SLC16A12: variants seen among roughly 807,000 people sequenced by gnomAD.
SLC16A12 encodes solute carrier family 16 member 12, also known as monocarboxylate transporter 12.
In SLC16A12, 17 loss-of-function variants were observed where a neutral mutation model predicts 42.4. That is an observed-to-expected ratio of 0.40 (90% CI 0.27 to 0.60). The LOEUF is 0.60. Among genes scored for constraint, SLC16A12 ranks in the 20% least tolerant of loss-of-function variants. The pLI is 0.42. For synonymous variants in SLC16A12, 224 were observed against 229.4 expected (o/e 0.98, Z 0.21); for missense variants, 544 against 623.0 (o/e 0.87, Z 1.35).
At chr10:89,533,384 G>A (rs988533519) in intron 2 of SLC16A12, among the ~76,000 whole-genome samples, 2 of 152,084 alleles carry the variant, frequency 1.3e-5, no homozygotes, top group African/African-American at 4.8e-5. Context: ...CAAATGCCCA[G>A]AACAGCACTA....
intron 2 of SLC16A12, among the ~76,000 whole-genome samples, chr10:89,522,712 T>C (rs1589725281): frequency 6.6e-6 from 1 of 152,366 alleles, no homozygotes; most frequent in East Asian, 1.9e-4. Context: ...ATCCTGGTTC[T>C]GCCTCTTAGT....
intron 2 of SLC16A12, among the ~76,000 whole-genome samples, chr10:89,513,021 C>T (rs1057309237): frequency 3.9e-5 from 6 of 152,058 alleles, no homozygotes; most frequent in Non-Finnish European, 8.8e-5. Flanking sequence ...GTGGAAAACC[C>T]CATACCTTTG....
intron 2 of SLC16A12, among the ~76,000 whole-genome samples, chr10:89,487,974 AT>A (rs1842786490): frequency 5.0e-5 from 6 of 120,490 alleles, no homozygotes; most frequent in African/African-American, 2.3e-4. Context: ...GTATATATAT[AT>A]ATATATATAT....
At chr10:89,446,934 CA>C (rs971869501) in intron 3 of SLC16A12, among the ~76,000 whole-genome samples, 8 of 147,862 alleles carry the variant, frequency 5.4e-5, no homozygotes, top group East Asian at 2.0e-4. Context: ...AAATGGAAAG[CA>C]AAAAAAAAGC....
intron 2 of SLC16A12, among the ~76,000 whole-genome samples, chr10:89,531,581 G>C (rs1843554630): frequency 1.3e-5 from 2 of 152,152 alleles, no homozygotes; most frequent in Admixed American, 6.5e-5. Flanking sequence ...CAGAGGAGGA[G>C]AGCATTGGTT....
chr10:89,492,504 C>T (rs966495748), intron 2 of SLC16A12, among the ~76,000 whole-genome samples: 4 of 151,990 alleles, frequency 2.6e-5, no homozygotes, highest in Non-Finnish European at 4.4e-5. Context: ...CTGAGGCGGG[C>T]GGATCACCTG....
chr10:89,486,643 G>GAAAGAAAGAAAGAAAGAAAGAAAGA (rs1564585893), intron 2 of SLC16A12, among the ~76,000 whole-genome samples: 10 of 48,056 alleles, frequency 2.1e-4, no homozygotes, highest in Non-Finnish European at 2.7e-4. Context: ...AAGAAAGAAA[G>GAAAGAAAGAAAGAAAGAAAGAAAGA]AAAGAAAGAA....
intron 2 of SLC16A12, among the ~76,000 whole-genome samples, chr10:89,520,070 G>T (rs575262317): frequency 6.8e-4 from 103 of 150,860 alleles, no homozygotes; most frequent in Non-Finnish European, 1.3e-3. Context: ...CCGAGATCGC[G>T]CCACTACACT....
chr10:89,544,375 A>G (rs1843731785), intron 2 of SLC16A12, among the ~76,000 whole-genome samples: 1 of 152,206 alleles, frequency 6.6e-6, no homozygotes, highest in African/African-American at 2.4e-5. Context: ...TACATTCCCC[A>G]TGGTCTGACC....
intron 5 of SLC16A12, 39 bp from the exon 6 acceptor site, chr10:89,439,222 T>C (rs1285895188): frequency 1.2e-5 from 19 of 1,563,538 alleles, no homozygotes; most frequent in Non-Finnish European, 1.6e-5. Flanking sequence ...TGAAGTACCA[T>C]AAACAGCCAA....
Position 89,470,169 on chromosome 10 carries a change from A to C in SLC16A12, c.-46-7545T>G, listed in dbSNP as rs141093163. On this transcript the variant is annotated intron_variant, in intron 2 of 7. Transcript: ENST00000371790. ...GAATAAATGCATCCCCAGGCAAGGAATCATGGGATTGTGTTATAGGGGACA... is the reference window on the plus strand; with the variant it reads ...GAATAAATGCATCCCCAGGCAAGGACTCATGGGATTGTGTTATAGGGGACA... Among the ~76,000 whole-genome samples the C allele has an allele frequency of 3.3e-3, 504 of 152,322 alleles. 4 individuals carry two copies. The highest frequency in any genetic ancestry group is 0.011 in the African/African-American group (478 of 41,572).
chr10:89,533,833 T>TAA (rs113124054), intron 2 of SLC16A12, among the ~76,000 whole-genome samples: 13,848 of 145,740 alleles, frequency 0.095, 678 homozygotes, highest in Non-Finnish European at 0.12. Context: ...TCCCATCAGT[T>TAA]AAAAAAAAAA....
In SLC16A12 at chr10:89,436,276, C is replaced by T; in HGVS notation, c.1072G>A (p.Gly358Arg). Residue 358 changes from glycine to arginine, a missense_variant, in exon 7 of 8, where the codon GGA (glycine) becomes AGA (arginine). Physicochemically the swap from Gly to Arg is moderately radical, Grantham distance 125. Transcript: ENST00000371790. ...YQYVCYLFAV[G>R]MDGLCYLCLP... Reference sequence around the variant, plus strand: ...CAGAGATAGCAGAGCCCATCCATTCCCACGGCAAAGAGGTAGCAAACATAC... The same window carrying T: ...CAGAGATAGCAGAGCCCATCCATTCTCACGGCAAAGAGGTAGCAAACATAC... 1 of 1,614,052 alleles carries T rather than the reference C, an allele frequency of 6.2e-7. No individual in the cohort carries two copies. Among genetic ancestry groups the T allele is most frequent in the Non-Finnish European group, 8.5e-7 (1 of 1,179,968 alleles).
chr10:89,447,062 T>A (rs1842016022), intron 3 of SLC16A12, among the ~76,000 whole-genome samples: 1 of 152,134 alleles, frequency 6.6e-6, no homozygotes, highest in African/African-American at 2.4e-5. Flanking sequence ...GAGCTAACTA[T>A]CCTAAATATA....
intron 6 of SLC16A12, 53 bp downstream of exon 6, chr10:89,438,551 T>A: frequency 6.5e-7 from 1 of 1,544,720 alleles, no homozygotes; most frequent in East Asian, 2.2e-5. Flanking sequence ...GAGGAGAAAC[T>A]CAAGGCTTAA....
At chr10:89,462,319 G>A in intron 3 of SLC16A12, 60 bp downstream of exon 3, 6 of 1,608,208 alleles carry the variant, frequency 3.7e-6, no homozygotes, top group Non-Finnish European at 5.1e-6. Flanking sequence ...GAATGAAGCA[G>A]ATTTAAAAGA....
intron 2 of SLC16A12, among the ~76,000 whole-genome samples, chr10:89,477,827 A>G (rs922866543): frequency 1.7e-4 from 26 of 152,206 alleles, no homozygotes; most frequent in East Asian, 9.7e-4. Flanking sequence ...TACTAAGTCT[A>G]TTGTTCCCTC....
intron 2 of SLC16A12, among the ~76,000 whole-genome samples, chr10:89,551,136 C>T (rs773046908): frequency 5.9e-5 from 9 of 152,084 alleles, no homozygotes; most frequent in East Asian, 1.9e-4. Flanking sequence ...TACTGGTGAC[C>T]GGTGATCAAA....
chr10:89,539,072 C>G (rs1402980571), upstream of SLC16A12, among the ~76,000 whole-genome samples: 1 of 152,158 alleles, frequency 6.6e-6, no homozygotes, highest in Non-Finnish European at 1.5e-5. Flanking sequence ...TTCCGATTTT[C>G]CTCTGCTGTA....
Sources: gnomAD v4.1 joint callset for allele counts (sites outside exome capture counted in the v4.1 genomes callset) on GRCh38, gnomAD v4.1.1 for gene constraint, MANE v1.5 for transcripts, NCBI Gene and HGNC (gene_info 2026-07-23, HGNC 2026-07-21) for gene names.